Variants in CMTM8 observed in about 807,000 individuals in gnomAD.
CMTM8 encodes CKLF like MARVEL transmembrane domain containing 8.
CMTM8 carries 12 observed loss-of-function variants against 18.6 expected under a neutral mutation model. The observed-to-expected ratio is 0.65, with a 90% CI of 0.41 to 1.05. CMTM8 has a LOEUF of 1.05. Among genes scored for constraint, CMTM8 ranks in the 50% least tolerant of loss-of-function variants. CMTM8 has a pLI of 0.00. For missense variants in CMTM8, 217 were observed against 227.2 expected (o/e 0.95, Z 0.29); for synonymous variants, 87 against 90.6 (o/e 0.96, Z 0.23).
chr3:32,302,110 C>G (rs1695630404), intron 1 of CMTM8, among the ~76,000 whole-genome samples: 1 of 148,540 alleles, frequency 6.7e-6, no homozygotes, highest in Non-Finnish European at 1.5e-5. Context: ...AGGCAGGAGA[C>G]CAACATGGGC....
At chr3:32,336,244 G>A (rs1249955179) in intron 1 of CMTM8, among the ~76,000 whole-genome samples, 1 of 152,226 alleles carries the variant, frequency 6.6e-6, no homozygotes, top group Non-Finnish European at 1.5e-5. Flanking sequence ...GTGCCTAAAG[G>A]TAGAAGGACA....
intron 1 of CMTM8, among the ~76,000 whole-genome samples, chr3:32,346,637 T>C (rs1218072264): frequency 2.0e-5 from 3 of 151,772 alleles, no homozygotes; most frequent in Non-Finnish European, 4.4e-5. Context: ...TTTATAAGGG[T>C]ACTAATCTCA....
intron 1 of CMTM8, among the ~76,000 whole-genome samples, chr3:32,290,556 C>A (rs1047593647): frequency 2.0e-5 from 3 of 152,242 alleles, no homozygotes; most frequent in Non-Finnish European, 2.9e-5. Flanking sequence ...GACTTTGGTG[C>A]TGGAACATGG....
intron 3 of CMTM8, among the ~76,000 whole-genome samples, chr3:32,369,551 A>C (rs964367832): frequency 6.6e-6 from 1 of 152,142 alleles, no homozygotes; most frequent in Non-Finnish European, 1.5e-5. Context: ...ACACTGTAGC[A>C]ATCCGAGATT....
intron 1 of CMTM8, among the ~76,000 whole-genome samples, chr3:32,347,641 G>A (rs74897190): frequency 0.053 from 8,000 of 152,094 alleles, 280 homozygotes; most frequent in East Asian, 0.14. Flanking sequence ...GGCCAATCAC[G>A]TCACATAATC....
chr3:32,305,751 C>G (rs1411023984), intron 1 of CMTM8, among the ~76,000 whole-genome samples: 1 of 152,188 alleles, frequency 6.6e-6, no homozygotes, highest in Non-Finnish European at 1.5e-5. Context: ...ATGGAGGCCT[C>G]TTATTGTTTC....
At chr3:32,357,645 G>T in intron 2 of CMTM8, 99 bp downstream of exon 2, 4 of 1,241,996 alleles carry the variant, frequency 3.2e-6, no homozygotes, top group Non-Finnish European at 4.5e-6. Context: ...GCCCAGAAAA[G>T]GTGGGGCCAT....
chr3:32,301,422 T>A (rs182998202), intron 1 of CMTM8, among the ~76,000 whole-genome samples: 6 of 152,236 alleles, frequency 3.9e-5, no homozygotes, highest in African/African-American at 1.4e-4. Flanking sequence ...ATATATAAAT[T>A]TCTATCCTGT....
intron 1 of CMTM8, among the ~76,000 whole-genome samples, chr3:32,242,555 T>C (rs1452241102): frequency 6.6e-6 from 1 of 152,130 alleles, no homozygotes; most frequent in Non-Finnish European, 1.5e-5. Flanking sequence ...CTCGAACTCC[T>C]GAACTCAAGT....
At chr3:32,272,069 CTTGAA>C (rs1364517072) in intron 1 of CMTM8, among the ~76,000 whole-genome samples, 1 of 152,150 alleles carries the variant, frequency 6.6e-6, no homozygotes. Flanking sequence ...CTTCCTCATT[CTTGAA>C]AGATAATTAT....
chr3:32,250,842 C>G (rs964626257), intron 1 of CMTM8, among the ~76,000 whole-genome samples: 1 of 151,960 alleles, frequency 6.6e-6, no homozygotes, highest in Non-Finnish European at 1.5e-5. Context: ...ATCCACCTGT[C>G]TCGGCCTCCC....
chr3:32,251,229 A>G (rs1702106670), intron 1 of CMTM8, among the ~76,000 whole-genome samples: 1 of 152,212 alleles, frequency 6.6e-6, no homozygotes, highest in African/African-American at 2.4e-5. Flanking sequence ...AACATATGAA[A>G]AAGAGCAAAT....
intron 1 of CMTM8, among the ~76,000 whole-genome samples, chr3:32,344,528 C>G (rs545296176): frequency 6.6e-6 from 1 of 152,184 alleles, no homozygotes; most frequent in Admixed American, 6.5e-5. Context: ...CTCTGAGCAG[C>G]AGAATTGCTG....
intron 1 of CMTM8, among the ~76,000 whole-genome samples, chr3:32,273,876 G>C (rs1337923218): frequency 2.0e-5 from 3 of 152,082 alleles, no homozygotes; most frequent in Non-Finnish European, 4.4e-5. Context: ...AAAAAAGCTG[G>C]AAGCTTAAGA....
chr3:32,295,494 G>T (rs1474127208), intron 1 of CMTM8, among the ~76,000 whole-genome samples: 1 of 120,532 alleles, frequency 8.3e-6, no homozygotes, highest in African/African-American at 3.1e-5. Flanking sequence ...CAAAACAGCG[G>T]AAAGAGAAAA....
intron 1 of CMTM8, 72 bp downstream of exon 1, chr3:32,239,191 G>C (rs1027099637): frequency 9.9e-6 from 15 of 1,508,370 alleles, no homozygotes; most frequent in Admixed American, 2.0e-5. Context: ...CGTGCTTCTC[G>C]GGATGGAGCC....
chr3:32,364,159 C>T (rs867340108), intron 2 of CMTM8, among the ~76,000 whole-genome samples: 3 of 152,058 alleles, frequency 2.0e-5, no homozygotes, highest in African/African-American at 7.2e-5. Context: ...ATCACTTGAG[C>T]CCAGGAGTTC....
At chr3:32,368,027 C>T (rs1697077243) in intron 3 of CMTM8, 39 bp downstream of exon 3, 1 of 1,363,972 alleles carries the variant, frequency 7.3e-7, no homozygotes, top group South Asian at 1.2e-5. Flanking sequence ...CTCCTCTTCC[C>T]TCTCCAAGGC....
chr3:32,319,057 CAT>C (rs1553605520), intron 1 of CMTM8, among the ~76,000 whole-genome samples: 1,194 of 45,838 alleles, frequency 0.026, 52 homozygotes, highest in African/African-American at 0.047. Context: ...TGTGTATATA[CAT>C]ATATATATAT....
Sources: allele counts gnomAD v4.1 joint callset (sites outside exome capture counted in the v4.1 genomes callset), GRCh38; gene constraint gnomAD v4.1.1; transcripts MANE v1.5; gene names NCBI Gene and HGNC (gene_info 2026-07-23, HGNC 2026-07-21).